Variants in KCNIP4 observed in about 807,000 individuals in gnomAD.
KCNIP4 encodes the protein Kv channel-interacting protein 4.
Under a neutral mutation model 34.0 loss-of-function variants are expected in KCNIP4, and 12 were observed. The observed-to-expected ratio is 0.35, with a 90% CI of 0.23 to 0.57. The LOEUF (loss-of-function observed/expected upper bound fraction) is 0.57. Among genes scored for constraint, KCNIP4 ranks in the 20% least tolerant of loss-of-function variants. The pLI, the probability that KCNIP4 is intolerant of heterozygous loss-of-function variation, is 0.83. For synonymous variants in KCNIP4, 124 were observed against 102.2 expected (o/e 1.21, Z -1.29); for missense variants, 238 against 311.7 (o/e 0.76, Z 1.78).
chr4:21,353,992 T>C (rs1448797667), intron 1 of KCNIP4, among the ~76,000 whole-genome samples: 1 of 152,154 alleles, frequency 6.6e-6, no homozygotes, highest in African/African-American at 2.4e-5. Context: ...GGGGCCAATA[T>C]TCAATATTCT....
At chr4:20,789,328 C>A (rs1216658245) in intron 3 of KCNIP4, among the ~76,000 whole-genome samples, 1 of 151,888 alleles carries the variant, frequency 6.6e-6, no homozygotes, top group East Asian at 1.9e-4. Context: ...TAAAATTTGT[C>A]TCATATAACA....
intron 1 of KCNIP4, among the ~76,000 whole-genome samples, chr4:21,474,355 C>T (rs1730733980): frequency 6.6e-6 from 1 of 152,110 alleles, no homozygotes; most frequent in Admixed American, 6.6e-5. Context: ...AATCCAGAGT[C>T]TGCAGATGAA....
intron 1 of KCNIP4, among the ~76,000 whole-genome samples, chr4:21,148,382 A>G (rs1577785899): frequency 6.6e-6 from 1 of 152,184 alleles, no homozygotes; most frequent in East Asian, 1.9e-4. Context: ...GGAATATGGA[A>G]TACTGACACT....
intron 1 of KCNIP4, among the ~76,000 whole-genome samples, chr4:21,785,421 C>A (rs1577985442): frequency 6.6e-6 from 1 of 151,672 alleles, no homozygotes. Flanking sequence ...TGAAACCCTG[C>A]CTCTACTAAA....
At chr4:20,872,316 G>T (rs914165893) in intron 2 of KCNIP4, among the ~76,000 whole-genome samples, 15 of 152,052 alleles carry the variant, frequency 9.9e-5, no homozygotes, top group Non-Finnish European at 1.8e-4. Context: ...CTCATCTTTT[G>T]TTCTTCTACT....
intron 1 of KCNIP4, among the ~76,000 whole-genome samples, chr4:21,823,210 T>C (rs1722473460): frequency 6.6e-6 from 1 of 152,108 alleles, no homozygotes; most frequent in Admixed American, 6.6e-5. Flanking sequence ...TCTAGACAAA[T>C]CTTTCATACA....
At chr4:21,112,618 T>C (rs553247245) in intron 1 of KCNIP4, among the ~76,000 whole-genome samples, 11 of 152,220 alleles carry the variant, frequency 7.2e-5, no homozygotes, top group Non-Finnish European at 1.5e-4. Context: ...TGTCTACTGG[T>C]AAATGGTTCC....
intron 1 of KCNIP4, chr4:20,983,935 T>C: frequency 6.5e-7 from 1 of 1,536,038 alleles, no homozygotes; most frequent in Non-Finnish European, 8.7e-7. Context: ...TCCTCTGAGC[T>C]GGCAGAGCAT....
At chr4:21,777,879 T>C (rs74768829) in intron 1 of KCNIP4, among the ~76,000 whole-genome samples, 2 of 152,192 alleles carry the variant, frequency 1.3e-5, no homozygotes, top group Admixed American at 1.3e-4. Context: ...AGAGTTGAAG[T>C]TTTACTTTAA....
chr4:20,999,936 C>T (rs1737955329), intron 1 of KCNIP4, among the ~76,000 whole-genome samples: 2 of 152,124 alleles, frequency 1.3e-5, no homozygotes, highest in African/African-American at 4.8e-5. Flanking sequence ...GGCAACTTAA[C>T]CTTCCCAGAG....
chr4:21,947,819 T>G (rs572838234), intron 1 of KCNIP4, among the ~76,000 whole-genome samples: 1 of 152,274 alleles, frequency 6.6e-6, no homozygotes, highest in African/African-American at 2.4e-5. Flanking sequence ...AACCACCTAA[T>G]AACAAATCGA....
intron 1 of KCNIP4, among the ~76,000 whole-genome samples, chr4:21,757,223 G>GA (rs1297579335): frequency 4.5e-5 from 1 of 22,414 alleles, no homozygotes; most frequent in African/African-American, 3.4e-4. Flanking sequence ...AAGAAAGAAA[G>GA]AAAGAAAGAA....
At chr4:21,379,406 C>T (rs368119353) in intron 1 of KCNIP4, among the ~76,000 whole-genome samples, 1 of 152,178 alleles carries the variant, frequency 6.6e-6, no homozygotes, top group African/African-American at 2.4e-5. Flanking sequence ...GTCAGAGTGA[C>T]TCTTTTAAAA....
intron 1 of KCNIP4, among the ~76,000 whole-genome samples, chr4:21,112,045 C>CTATCTATCTATA (rs1749245172): frequency 8.1e-5 from 12 of 148,534 alleles, no homozygotes; most frequent in African/African-American, 3.1e-4. Flanking sequence ...ATCTATCTAT[C>CTATCTATCTATA]TATCTATCTA....
intron 1 of KCNIP4, among the ~76,000 whole-genome samples, chr4:20,948,795 T>G (rs1248416958): frequency 1.3e-5 from 2 of 152,244 alleles, no homozygotes; most frequent in Non-Finnish European, 2.9e-5. Flanking sequence ...ATAATGGTCC[T>G]ATCCCCAAGA....
intron 1 of KCNIP4, among the ~76,000 whole-genome samples, chr4:21,227,180 G>A (rs1041755897): frequency 2.0e-5 from 3 of 152,206 alleles, no homozygotes; most frequent in Admixed American, 1.3e-4. Context: ...ACAGCACTGA[G>A]CATGTTGCAG....
intron 1 of KCNIP4, among the ~76,000 whole-genome samples, chr4:21,187,395 A>C (rs192519137): frequency 6.6e-6 from 1 of 152,330 alleles, no homozygotes; most frequent in African/African-American, 2.4e-5. Context: ...ATTAAGGGCA[A>C]AGGGACATTC....
chr4:20,942,762 C>A (rs753220466), intron 1 of KCNIP4, among the ~76,000 whole-genome samples: 31 of 152,212 alleles, frequency 2.0e-4, no homozygotes, highest in Middle Eastern at 6.8e-3. Context: ...ACCTCCGCCT[C>A]CCGGGTTCAA....
intron 1 of KCNIP4, among the ~76,000 whole-genome samples, chr4:21,095,684 G>T (rs1433315803): frequency 6.6e-6 from 1 of 152,090 alleles, no homozygotes; most frequent in East Asian, 1.9e-4. Flanking sequence ...TCTAAAATTA[G>T]AAAAATTTTA....
Sources: gnomAD v4.1 joint callset for allele counts (sites outside exome capture counted in the v4.1 genomes callset) on GRCh38, gnomAD v4.1.1 for gene constraint, MANE v1.5 for transcripts, NCBI Gene and HGNC (gene_info 2026-07-23, HGNC 2026-07-21) for gene names.